IFT43: variants seen among roughly 807,000 people sequenced by gnomAD.
The protein encoded by IFT43 is intraflagellar transport 43.
A neutral mutation model predicts 32.3 loss-of-function variants in IFT43; 33 were observed. The observed-to-expected ratio is 1.02, with a 90% CI of 0.77 to 1.37. The LOEUF (loss-of-function observed/expected upper bound fraction) is 1.37. Among genes scored for constraint, IFT43 ranks in the 40% most tolerant of loss-of-function variants. The pLI, the probability that IFT43 is intolerant of heterozygous loss-of-function variation, is 0.00. For missense variants in IFT43, 274 were observed against 265.9 expected (o/e 1.03, Z -0.21); for synonymous variants, 93 against 98.2 (o/e 0.95, Z 0.31).
chr14:76,043,885 TG>T (rs1203012089), intron 3 of IFT43, among the ~76,000 whole-genome samples: 1 of 152,200 alleles, frequency 6.6e-6, no homozygotes, highest in Non-Finnish European at 1.5e-5. Context: ...TTGCAAGCCC[TG>T]GGTTGTTTTA....
intron 5 of IFT43, among the ~76,000 whole-genome samples, chr14:76,070,944 C>G (rs1329011836): frequency 6.6e-6 from 1 of 152,170 alleles, no homozygotes; most frequent in Admixed American, 6.5e-5. Context: ...ATTACAGTTT[C>G]AAGTATTTTT....
chr14:76,023,267 C>T (rs565891435), intron 3 of IFT43, among the ~76,000 whole-genome samples: 9 of 152,276 alleles, frequency 5.9e-5, no homozygotes, highest in African/African-American at 1.9e-4. Context: ...AGGAATGTTG[C>T]TGTTGTGTTT....
chr14:75,992,962 G>A (rs2035672014), intron 2 of IFT43, among the ~76,000 whole-genome samples: 1 of 152,176 alleles, frequency 6.6e-6, no homozygotes, highest in African/African-American at 2.4e-5. Context: ...ATTAGCTTCT[G>A]TGATACTGAG....
In IFT43 at chr14:76,001,147, G is replaced by C. The variant is rs77683210; in HGVS notation, c.147+12170G>C. 6.1e-3 allele frequency among the ~76,000 whole-genome samples: 928 copies of C among 152,296 alleles called. 10 individuals carry two copies. The highest frequency in any genetic ancestry group is 0.021 in the African/African-American group (878 of 41,554). On this transcript the variant is annotated intron_variant, in intron 2 of 8. Transcript: ENST00000314067. ...GCAGTATGATTGGATTTGCATCTTA[G>C]AAAGAACACTTTGGCAACAACTGGA...
chr14:76,065,802 T>A (rs986904237), intron 5 of IFT43, among the ~76,000 whole-genome samples: 1 of 152,244 alleles, frequency 6.6e-6, no homozygotes, highest in African/African-American at 2.4e-5. Context: ...TTTTAAAAAA[T>A]TTTAAGAGAT....
intron 2 of IFT43, among the ~76,000 whole-genome samples, chr14:75,994,958 T>C (rs1736795165): frequency 6.6e-6 from 1 of 152,260 alleles, no homozygotes; most frequent in Non-Finnish European, 1.5e-5. Flanking sequence ...AGCTCATCTT[T>C]TGGATGAGCA....
chr14:76,041,041 C>T (rs2036697493), intron 3 of IFT43, among the ~76,000 whole-genome samples: 1 of 152,232 alleles, frequency 6.6e-6, no homozygotes, highest in Non-Finnish European at 1.5e-5. Context: ...TGGCCAAGTG[C>T]AGGCACAAGC....
At chr14:76,022,615 A>G in intron 3 of IFT43, 1 of 387,194 alleles carries the variant, frequency 2.6e-6, no homozygotes. Context: ...TCACCTCCCC[A>G]CCAAAAGAAA....
rs1409693814 is a variant in IFT43, at chr14:76,083,613, A to G, written c.*36A>G. The G allele has an allele frequency of 1.2e-6, 2 of 1,609,028 alleles. No homozygotes were observed. Among genetic ancestry groups the G allele is most frequent in the Admixed American group, 1.7e-5 (1 of 60,020 alleles). ...CATGCTCTAGACATGAAGAAATGCA[A>G]TGAGCTTAAAGCTAAAGAAGCTTGT... On this transcript the variant is annotated 3_prime_UTR_variant, in exon 9 of 9. Coordinates refer to ENST00000314067, the MANE Select transcript of IFT43 (RefSeq NM_001102564.3).
chr14:76,010,387 C>G (rs8008060), intron 2 of IFT43, among the ~76,000 whole-genome samples: 66,012 of 151,968 alleles, frequency 0.43, 15,252 homozygotes, highest in East Asian at 0.53. Context: ...CCATACCAAC[C>G]CTGCCTTTTT....
At chr14:76,041,446 A>G (rs1278712593) in intron 3 of IFT43, among the ~76,000 whole-genome samples, 1 of 152,224 alleles carries the variant, frequency 6.6e-6, no homozygotes, top group African/African-American at 2.4e-5. Context: ...AGCCAGTCTC[A>G]TCCAATGTCC....
At chr14:76,063,957 C>T (rs1200855859) in intron 5 of IFT43, among the ~76,000 whole-genome samples, 1 of 152,192 alleles carries the variant, frequency 6.6e-6, no homozygotes, top group African/African-American at 2.4e-5. Flanking sequence ...TCTGTAGGAA[C>T]TGAGGACCAG....
intron 5 of IFT43, among the ~76,000 whole-genome samples, chr14:76,063,199 T>C (rs938538850): frequency 3.9e-5 from 6 of 152,286 alleles, no homozygotes; most frequent in Admixed American, 3.3e-4. Context: ...TCAGTAGTTA[T>C]TGAAATATCA....
intron 5 of IFT43, among the ~76,000 whole-genome samples, chr14:76,081,440 C>T (rs137854939): frequency 6.6e-6 from 1 of 152,344 alleles, no homozygotes; most frequent in Non-Finnish European, 1.5e-5. Flanking sequence ...ATGTCTCAAC[C>T]AGTCAGTGAT....
chr14:76,012,064 G>A (rs531695132), intron 2 of IFT43, among the ~76,000 whole-genome samples: 2 of 152,280 alleles, frequency 1.3e-5, no homozygotes, highest in South Asian at 4.1e-4. Context: ...GCTGGAAGAT[G>A]GATATGTGTG....
In IFT43 at chr14:76,066,309, C is replaced by T. The variant is rs538867391; in HGVS notation, c.295+6936C>T. ...GCCCTGGAGGTTTGAAGCATAAAAC[C>T]CTTTCTTGTCAGAGAGCGCTCCTGC... On this transcript the variant is annotated intron_variant, in intron 5 of 8. Transcript: ENST00000314067. Among the ~76,000 whole-genome samples, 131 of 152,256 alleles carry T rather than the reference C, an allele frequency of 8.6e-4. 1 individual carries two copies. Among genetic ancestry groups the T allele is most frequent in the Non-Finnish European group, 1.5e-3 (103 of 68,020 alleles).
intron 3 of IFT43, chr14:76,058,374 T>C: frequency 2.4e-6 from 1 of 408,892 alleles, no homozygotes; most frequent in Non-Finnish European, 4.6e-6. Context: ...CTGTATCTAT[T>C]TGAATTTTAA....
intron 2 of IFT43, among the ~76,000 whole-genome samples, chr14:75,997,864 G>A (rs938269543): frequency 5.9e-5 from 9 of 152,282 alleles, no homozygotes; most frequent in Non-Finnish European, 1.2e-4. Flanking sequence ...CCACTGTCCT[G>A]CAGTTTAGCT....
At chr14:76,019,122 TTTTCTGAAGTG>T (rs145791633) in intron 2 of IFT43, among the ~76,000 whole-genome samples, 2,682 of 152,202 alleles carry the variant, frequency 0.018, 31 homozygotes, top group Non-Finnish European at 0.025. Context: ...AGTTTGATGG[TTTTCTGAAGTG>T]GTAATGTTTG....
Sources: allele counts gnomAD v4.1 joint callset (sites outside exome capture counted in the v4.1 genomes callset), GRCh38; gene constraint gnomAD v4.1.1; transcripts MANE v1.5; gene names NCBI Gene and HGNC (gene_info 2026-07-23, HGNC 2026-07-21).